Variants in SUFU observed in about 807,000 individuals in gnomAD.
SUFU encodes the protein SUFU negative regulator of hedgehog signaling, also known as suppressor of fused homolog.
A neutral mutation model predicts 58.9 loss-of-function variants in SUFU; 7 were observed. The ratio of observed to expected loss-of-function variants is 0.12; its 90% CI spans 0.07 to 0.22. The LOEUF (loss-of-function observed/expected upper bound fraction) is 0.22. SUFU is among the 10% of genes least tolerant of loss of function. The pLI is 1.00. For missense variants in SUFU, 451 were observed against 641.3 expected (o/e 0.70, Z 3.20); for synonymous variants, 232 against 254.8 (o/e 0.91, Z 0.85).
At position 102,625,341 on chromosome 10, in the gene SUFU, T is replaced by TCGGG. The variant is rs1196601822; in HGVS notation, c.1297-1833_1297-1830dup. On this transcript the variant is annotated intron_variant, in intron 10 of 11. Coordinates refer to ENST00000369902, the MANE Select transcript of SUFU (RefSeq NM_016169.4). The surrounding 1 kb of genome is among the most constrained non-coding windows in gnomAD (Gnocchi z 4.7). ...CTCTAAGCCTTGTCTCTGTCCTTGG[T>TCGGG]CGGGGCCCTAGCTCCTAGAACAGAG... Among the ~76,000 whole-genome samples the TCGGG allele has an allele frequency of 2.0e-5, 3 of 152,168 alleles. No individual in the cohort carries two copies. In the East Asian group the frequency reaches 5.8e-4, roughly 29 times the overall value.
intron 8 of SUFU, among the ~76,000 whole-genome samples, chr10:102,604,761 C>T (rs980042436): frequency 2.6e-5 from 4 of 152,038 alleles, no homozygotes; most frequent in Admixed American, 6.6e-5. Flanking sequence ...CTGGGGATGG[C>T]GGCCCCTGGT....
chr10:102,527,882 T>C (rs1213330085), intron 2 of SUFU, among the ~76,000 whole-genome samples: 1 of 152,200 alleles, frequency 6.6e-6, no homozygotes, highest in Non-Finnish European at 1.5e-5. Flanking sequence ...GCCTTGCCTC[T>C]TGGGTCAGTA....
At chr10:102,599,352 T>C in intron 7 of SUFU, 81 bp from the exon 8 acceptor site, 8 of 1,101,440 alleles carry the variant, frequency 7.3e-6, no homozygotes, top group Non-Finnish European at 9.8e-6. Context: ...TTAGCACCTC[T>C]GCTGAGCCAG....
Position 102,617,458 on chromosome 10 carries a change from T to G in SUFU, c.1296+30T>G. ...GAAGGCCCTTTTTCTTCTCCCTCCT[T>G]CCTTTCATAGACTTCCTTGCCCACC... On this transcript the variant is annotated intron_variant, in intron 10 of 11. Coordinates refer to ENST00000369902, the MANE Select transcript of SUFU (RefSeq NM_016169.4). This position sits in a 1 kb window ranked among gnomAD's most constrained non-coding sequence, Gnocchi z 4.4. The G allele has an allele frequency of 6.2e-7, 1 of 1,614,106 alleles. No homozygotes were observed. Among genetic ancestry groups the G allele is most frequent in the Non-Finnish European group, 8.5e-7 (1 of 1,179,944 alleles).
chr10:102,617,455 C>G lies in SUFU; in HGVS notation c.1296+27C>G, dbSNP rs765293722. 1 of 1,614,140 alleles carries G rather than the reference C, an allele frequency of 6.2e-7. No individual in the cohort carries two copies. The highest frequency in any genetic ancestry group is 8.5e-7 in the Non-Finnish European group (1 of 1,179,970). ...TGAGAAGGCCCTTTTTCTTCTCCCT[C>G]CTTCCTTTCATAGACTTCCTTGCCC... On this transcript the variant is annotated intron_variant, in intron 10 of 11. Transcript: ENST00000369902. The surrounding 1 kb of genome is among the most constrained non-coding windows in gnomAD (Gnocchi z 4.4).
chr10:102,542,998 T>G (rs1262407623), intron 2 of SUFU, among the ~76,000 whole-genome samples: 1 of 152,258 alleles, frequency 6.6e-6, no homozygotes, highest in African/African-American at 2.4e-5. Flanking sequence ...AGCAGCATTT[T>G]CTTACAGCAC....
At chr10:102,555,586 T>G (rs144957075) in intron 3 of SUFU, among the ~76,000 whole-genome samples, 20 of 152,340 alleles carry the variant, frequency 1.3e-4, no homozygotes, top group African/African-American at 4.6e-4. Context: ...GCCTGTGAAG[T>G]CTTAGGCAAA....
chr10:102,535,609 C>T (rs755060512), intron 2 of SUFU, among the ~76,000 whole-genome samples: 23 of 152,206 alleles, frequency 1.5e-4, no homozygotes, highest in Non-Finnish European at 2.9e-4. Flanking sequence ...CCATGTGTTT[C>T]CGGAGGCACA....
chr10:102,547,832 G>A lies in SUFU; in HGVS notation c.318-2138G>A, dbSNP rs567089728. On this transcript the variant is annotated intron_variant, in intron 2 of 11. Transcript: ENST00000369902. ...GGAAAGAAAGAGAGAGAGGCGGGGGGGAGAGAGAGAGAGAAAGAAAGAGAG... is the reference window on the plus strand; with the variant it reads ...GGAAAGAAAGAGAGAGAGGCGGGGGAGAGAGAGAGAGAGAAAGAAAGAGAG... 5.5e-3 allele frequency among the ~76,000 whole-genome samples: 828 copies of A among 151,532 alleles called. 7 individuals carry two copies. Among genetic ancestry groups the A allele is most frequent in the African/African-American group, 0.019 (773 of 41,362 alleles).
chr10:102,552,660 T>C (rs1272741560), intron 3 of SUFU, among the ~76,000 whole-genome samples: 1 of 152,198 alleles, frequency 6.6e-6, no homozygotes, highest in Non-Finnish European at 1.5e-5. Context: ...ATTCCCTGGA[T>C]GTGATTATGG....
intron 3 of SUFU, among the ~76,000 whole-genome samples, chr10:102,585,034 GC>G (rs2063322437): frequency 6.6e-6 from 1 of 152,252 alleles, no homozygotes; most frequent in African/African-American, 2.4e-5. Context: ...AGGCTGCTGT[GC>G]CTGGGGTGGT....
intron 3 of SUFU, among the ~76,000 whole-genome samples, chr10:102,581,268 C>A (rs1235279260): frequency 1.3e-5 from 2 of 150,732 alleles, no homozygotes; most frequent in Non-Finnish European, 2.9e-5. Flanking sequence ...ACAGAGAGAT[C>A]CAGTGGGGGC....
rs747625757 is a variant in SUFU at position 102,589,442 on chromosome 10, C to CTTTTTTTTTTTTTTTTTTTTTTTTT, written c.455-3119_455-3118insTTTTTTTTTTTTTTTTTTTTTTTTT. On this transcript the variant is annotated intron_variant, in intron 3 of 11. Transcript: ENST00000369902. ...CAATCTGGAAGTATTTTCTTTCTTT[C>CTTTTTTTTTTTTTTTTTTTTTTTTT]TTTTTTTTTTTTTTTTTTTTTGAGA... is the stretch of plus-strand genomic sequence containing the variant. Among the ~76,000 whole-genome samples, 2 of 65,364 alleles carry CTTTTTTTTTTTTTTTTTTTTTTTTT rather than the reference C, an allele frequency of 3.1e-5. 1 individual carries two copies. The highest frequency in any genetic ancestry group is 1.2e-4 in the African/African-American group (2 of 16,004). The allele number at this position is 65,364 out of a possible 152,430, so 42.9% of individuals were successfully genotyped here. A position where few individuals can be genotyped will look rare whatever the true frequency, so the allele number is the denominator to read the frequency against.
intron 6 of SUFU, among the ~76,000 whole-genome samples, chr10:102,594,957 T>A (rs1226731324): frequency 6.6e-6 from 1 of 152,206 alleles, no homozygotes; most frequent in Non-Finnish European, 1.5e-5. Flanking sequence ...TGACCTCAGA[T>A]GATCCGCCCG....
At chr10:102,571,646 C>T (rs1382960831) in intron 3 of SUFU, among the ~76,000 whole-genome samples, 30 of 152,126 alleles carry the variant, frequency 2.0e-4, no homozygotes, top group African/African-American at 6.3e-4. Flanking sequence ...GTCAAGATTG[C>T]GCCACTGCAC....
intron 3 of SUFU, among the ~76,000 whole-genome samples, chr10:102,583,211 A>C (rs1340007541): frequency 6.6e-6 from 1 of 152,156 alleles, no homozygotes; most frequent in African/African-American, 2.4e-5. Context: ...GGGCTCTTTC[A>C]TTGTTAAGAA....
intron 4 of SUFU, 109 bp from the exon 5 acceptor site, chr10:102,593,527 C>G: frequency 9.3e-7 from 1 of 1,077,384 alleles, no homozygotes; most frequent in Non-Finnish European, 1.4e-6. Context: ...AGCACAGATC[C>G]TGCCTGTGGT....
chr10:102,569,567 G>T (rs1368111954), intron 3 of SUFU, among the ~76,000 whole-genome samples: 1 of 152,088 alleles, frequency 6.6e-6, no homozygotes, highest in Admixed American at 6.6e-5. Context: ...ACACCAAAAG[G>T]GTTCACTAAT....
chr10:102,534,351 C>T (rs1054009966), intron 2 of SUFU, among the ~76,000 whole-genome samples: 29 of 152,136 alleles, frequency 1.9e-4, no homozygotes, highest in Non-Finnish European at 3.8e-4. Context: ...GGCGTGAACC[C>T]GGGAAGCGGA....
Sources: gnomAD v4.1 joint callset for allele counts (sites outside exome capture counted in the v4.1 genomes callset) on GRCh38, gnomAD v4.1.1 for gene constraint, Gnocchi (gnomAD v3.1) non-coding constraint, MANE v1.5 for transcripts, NCBI Gene and HGNC (gene_info 2026-07-23, HGNC 2026-07-21) for gene names.